The following CERS6 variants were observed in gnomAD, a reference collection of about 807,000 sequenced individuals.
The protein encoded by CERS6 is LAG1 homolog, ceramide synthase 6.
CERS6 carries 26 observed loss-of-function variants against 56.8 expected under a neutral mutation model. That is an observed-to-expected ratio of 0.46 (90% CI 0.34 to 0.63). The LOEUF (loss-of-function observed/expected upper bound fraction) is 0.63, where lower values mean the gene tolerates loss of function less well. Among genes scored for constraint, CERS6 ranks in the 30% least tolerant of loss-of-function variants. The pLI is 0.01. For missense variants in CERS6, 415 were observed against 467.5 expected, an observed-to-expected ratio of 0.89 and a Z score of 1.04; for synonymous variants, 164 against 173.3, an observed-to-expected ratio of 0.95 and a Z score of 0.42.
At chr2:168,645,108 A>ATAT (rs1559033995) in intron 4 of CERS6, among the ~76,000 whole-genome samples, 6 of 67,548 alleles carry the variant, frequency 8.9e-5, no homozygotes, top group African/African-American at 3.4e-4. Flanking sequence ...AAAAAAAAAA[A>ATAT]AAAAAAAAAT....
At chr2:168,675,204 C>G (rs1020724489) in intron 4 of CERS6, among the ~76,000 whole-genome samples, 1 of 151,986 alleles carries the variant, frequency 6.6e-6, no homozygotes, top group African/African-American at 2.4e-5. Context: ...GATCTCCTGA[C>G]CTTGTGATCC....
intron 1 of CERS6, among the ~76,000 whole-genome samples, chr2:168,479,854 C>T (rs761594762): frequency 1.1e-4 from 16 of 152,082 alleles, no homozygotes; most frequent in Non-Finnish European, 1.8e-4. Flanking sequence ...GTGATCTGCC[C>T]GCCTCGGTCT....
chr2:168,584,606 C>T (rs756384909), intron 3 of CERS6, among the ~76,000 whole-genome samples: 11 of 152,196 alleles, frequency 7.2e-5, no homozygotes, highest in Non-Finnish European at 1.5e-4. Context: ...TTTATCCCAA[C>T]GACTCTGTCA....
At chr2:168,721,105 C>T (rs796843491) in intron 8 of CERS6, among the ~76,000 whole-genome samples, 4 of 152,306 alleles carry the variant, frequency 2.6e-5, no homozygotes, top group African/African-American at 9.6e-5. Flanking sequence ...CTGCCAGTCA[C>T]TCCTCATTCT....
intron 8 of CERS6, among the ~76,000 whole-genome samples, chr2:168,748,891 C>T (rs1162215683): frequency 6.6e-6 from 1 of 151,904 alleles, no homozygotes; most frequent in Non-Finnish European, 1.5e-5. Flanking sequence ...TCTTGGTTCA[C>T]AGTATAGGCA....
intron 1 of CERS6, among the ~76,000 whole-genome samples, chr2:168,507,319 A>G (rs1381353059): frequency 6.6e-6 from 1 of 152,132 alleles, no homozygotes; most frequent in Non-Finnish European, 1.5e-5. Flanking sequence ...TATATATTGC[A>G]TGTAATTTTC....
In CERS6 at chr2:168,734,078, A is replaced by C. The variant is rs538537788; in HGVS notation, c.845+16100A>C. Among the ~76,000 whole-genome samples the C allele has an allele frequency of 7.2e-5, 11 of 152,312 alleles. No individual in the cohort carries two copies. The South Asian group carries it at 2.1e-3, about 29-fold the overall frequency. ...TAAAAGTTTTAGAGCTAAAAGCTCT[A>C]AAAGTTTTATGATGTTATGCTTTGG... is the stretch of plus-strand genomic sequence containing the variant. On this transcript the variant is annotated intron_variant, in intron 8 of 9. Transcript: ENST00000305747.
chr2:168,488,144 T>A (rs1354737024), intron 1 of CERS6, among the ~76,000 whole-genome samples: 2 of 151,528 alleles, frequency 1.3e-5, no homozygotes, highest in Non-Finnish European at 2.9e-5. Flanking sequence ...TTTGCTTTTG[T>A]TTTTAAAATA....
intron 4 of CERS6, among the ~76,000 whole-genome samples, chr2:168,658,774 A>G (rs1685555130): frequency 6.6e-6 from 1 of 152,240 alleles, no homozygotes; most frequent in South Asian, 2.1e-4. Context: ...CTAAGTTCTT[A>G]CAGCACATTA....
At position 168,520,598 on chromosome 2, in the gene CERS6, C is replaced by CTTTTTTTTTTTTTTTTTTT. The variant is rs150724635; in HGVS notation, c.171-26987_171-26969dup. Among the ~76,000 whole-genome samples the CTTTTTTTTTTTTTTTTTTT allele has an allele frequency of 7.1e-3, 412 of 57,914 alleles. 84 individuals are homozygous for CTTTTTTTTTTTTTTTTTTT. Among genetic ancestry groups the CTTTTTTTTTTTTTTTTTTT allele is most frequent in the Non-Finnish European group, 0.01 (319 of 31,032 alleles). 38.0% of individuals were successfully genotyped at this position (57,914 alleles called of 152,430 possible). A position where few individuals can be genotyped will look rare whatever the true frequency, so the allele number is the denominator to read the frequency against. On this transcript the variant is annotated intron_variant, in intron 1 of 9. Transcript: ENST00000305747. ...TTAACTCTTTAACATTTACAATATC[C>CTTTTTTTTTTTTTTTTTTT]TTTTTTTTTTTTTTTTTTTTTTTTT...
chr2:168,653,255 G>T lies in CERS6; in HGVS notation c.465+22213G>T, dbSNP rs188702079. On this transcript the variant is annotated intron_variant, in intron 4 of 9. Coordinates refer to ENST00000305747, the MANE Select transcript of CERS6 (RefSeq NM_203463.3). Reference sequence around the variant, plus strand: ...TCCAATTGAAACCCTGAAGGGAAGAGATTTAAACTCAGGCTGCACCCCAGT... The same window carrying T: ...TCCAATTGAAACCCTGAAGGGAAGATATTTAAACTCAGGCTGCACCCCAGT... Among the ~76,000 whole-genome samples the T allele has an allele frequency of 7.9e-5, 12 of 152,314 alleles. No individual in the cohort carries two copies. The East Asian group carries it at 2.3e-3, about 29-fold the overall frequency.
intron 1 of CERS6, among the ~76,000 whole-genome samples, chr2:168,486,048 TA>T (rs1387780073): frequency 9.2e-5 from 14 of 152,270 alleles, no homozygotes; most frequent in Admixed American, 9.2e-4. Flanking sequence ...GATCTTAGCT[TA>T]TTAGGTGTGC....
chr2:168,688,428 A>G (rs1253998747), intron 4 of CERS6, among the ~76,000 whole-genome samples: 2 of 151,850 alleles, frequency 1.3e-5, no homozygotes, highest in Non-Finnish European at 2.9e-5. Context: ...AAAAAAAAAA[A>G]AAGAAGTTAT....
chr2:168,735,712 C>G (rs990467396), intron 8 of CERS6, among the ~76,000 whole-genome samples: 1 of 149,900 alleles, frequency 6.7e-6, no homozygotes, highest in Non-Finnish European at 1.5e-5. Context: ...CCCATCTCTA[C>G]TAAAAATTTA....
In CERS6 at chr2:168,462,428, CT is replaced by C. The variant is rs1444134936; in HGVS notation, c.170+5811del. On this transcript the variant is annotated intron_variant, in intron 1 of 9. Transcript: ENST00000305747. ...GATTTTATTCTTTGGTTTCTTCCCC[CT>C]GGCCACCTTTTAAAAATGATTTCAT... is the stretch of plus-strand genomic sequence containing the variant. 3.3e-5 allele frequency among the ~76,000 whole-genome samples: 5 copies of C among 152,306 alleles called. No homozygotes were observed. In the East Asian group the frequency reaches 5.8e-4, roughly 18 times the overall value.
chr2:168,765,245 G>T (rs62175683), intron 8 of CERS6, among the ~76,000 whole-genome samples: 1 of 152,224 alleles, frequency 6.6e-6, no homozygotes, highest in East Asian at 1.9e-4. Flanking sequence ...TGCTGAGCAT[G>T]TATGGCAGTG....
intron 8 of CERS6, among the ~76,000 whole-genome samples, chr2:168,743,302 A>C (rs1475156405): frequency 6.6e-6 from 1 of 151,984 alleles, no homozygotes; most frequent in African/African-American, 2.4e-5. Flanking sequence ...AGGCAGCTTG[A>C]GGCAAAGCAA....
chr2:168,509,524 C>T (rs1694740894), intron 1 of CERS6, among the ~76,000 whole-genome samples: 1 of 152,182 alleles, frequency 6.6e-6, no homozygotes, highest in African/African-American at 2.4e-5. Flanking sequence ...GACCCTGCCT[C>T]CATCATTCAG....
At chr2:168,657,219 T>C (rs1355359566) in intron 4 of CERS6, among the ~76,000 whole-genome samples, 1 of 151,834 alleles carries the variant, frequency 6.6e-6, no homozygotes, top group Non-Finnish European at 1.5e-5. Flanking sequence ...ATAAAGACTC[T>C]CCATGTCCTC....
Sources: allele counts gnomAD v4.1 joint callset (sites outside exome capture counted in the v4.1 genomes callset), GRCh38; gene constraint gnomAD v4.1.1; transcripts MANE v1.5; gene names NCBI Gene and HGNC (gene_info 2026-07-23, HGNC 2026-07-21).